Variants in HS3ST4 observed in about 807,000 individuals in gnomAD.
HS3ST4 encodes heparan sulfate-glucosamine 3-sulfotransferase 4.
Under a neutral mutation model 29.2 loss-of-function variants are expected in HS3ST4, and 17 were observed. The observed-to-expected ratio is 0.58, with a 90% CI of 0.40 to 0.87. The LOEUF (loss-of-function observed/expected upper bound fraction) is 0.87. Among genes scored for constraint, HS3ST4 ranks in the 40% least tolerant of loss-of-function variants. HS3ST4 has a pLI of 0.00. For synonymous variants in HS3ST4, 314 were observed against 285.7 expected (o/e 1.10, Z -1.00); for missense variants, 627 against 634.5 (o/e 0.99, Z 0.13).
In HS3ST4 at chr16:25,828,481, C is replaced by T. The variant is rs908948607; in HGVS notation, c.734+135330C>T. Among the ~76,000 whole-genome samples the T allele has an allele frequency of 4.0e-5, 6 of 151,762 alleles. No homozygotes were observed. In the East Asian group the frequency reaches 1.2e-3, roughly 30 times the overall value. On this transcript the variant is annotated intron_variant, in intron 1 of 1. Transcript: ENST00000331351. ...TCAGCCTGCCAAGTGGCTGGGACTA[C>T]AGGCACCCGCCACCACAGTCAGCTA... is the stretch of plus-strand genomic sequence containing the variant.
At chr16:26,080,046 A>C (rs1268884898) in intron 1 of HS3ST4, among the ~76,000 whole-genome samples, 1 of 152,154 alleles carries the variant, frequency 6.6e-6, no homozygotes, top group East Asian at 1.9e-4. Flanking sequence ...TCCTGGGGAG[A>C]AATTGGAAGA....
At chr16:26,015,767 G>T (rs1485310385) in intron 1 of HS3ST4, among the ~76,000 whole-genome samples, 2 of 152,162 alleles carry the variant, frequency 1.3e-5, no homozygotes, top group African/African-American at 4.8e-5. Context: ...CTTCCCAGGA[G>T]CCAGAAGAAA....
intron 1 of HS3ST4, among the ~76,000 whole-genome samples, chr16:25,780,083 C>T (rs1368083288): frequency 6.6e-6 from 1 of 152,288 alleles, no homozygotes; most frequent in South Asian, 2.1e-4. Flanking sequence ...GTTTATTCTC[C>T]ACTTGATTCA....
chr16:26,114,583 T>C (rs1899177190), intron 1 of HS3ST4, among the ~76,000 whole-genome samples: 1 of 152,046 alleles, frequency 6.6e-6, no homozygotes, highest in Admixed American at 6.6e-5. Flanking sequence ...GACGGGTCAA[T>C]AGTGGAAGCA....
chr16:25,729,322 A>C (rs1307036768), intron 1 of HS3ST4, among the ~76,000 whole-genome samples: 3 of 152,162 alleles, frequency 2.0e-5, no homozygotes, highest in Non-Finnish European at 4.4e-5. Context: ...TGCATTGGCC[A>C]CAAGTTCTAA....
intron 1 of HS3ST4, among the ~76,000 whole-genome samples, chr16:25,721,461 T>C (rs1275274231): frequency 2.9e-5 from 3 of 103,042 alleles, no homozygotes; most frequent in Non-Finnish European, 2.1e-5. Context: ...AATACCCTTC[T>C]TTCCCATAAA....
At chr16:26,129,596 C>T (rs749078842) in intron 1 of HS3ST4, among the ~76,000 whole-genome samples, 2 of 152,196 alleles carry the variant, frequency 1.3e-5, no homozygotes, top group African/African-American at 2.4e-5. Flanking sequence ...TCATTTCATC[C>T]TCTCAAACTC....
chr16:25,728,300 T>A (rs1277044172), intron 1 of HS3ST4, among the ~76,000 whole-genome samples: 1 of 152,148 alleles, frequency 6.6e-6, no homozygotes, highest in East Asian at 1.9e-4. Context: ...GTGCCTGGCC[T>A]GTATTTTTTC....
At chr16:26,002,557 A>G (rs570967532) in intron 1 of HS3ST4, among the ~76,000 whole-genome samples, 1 of 152,076 alleles carries the variant, frequency 6.6e-6, no homozygotes, top group Non-Finnish European at 1.5e-5. Flanking sequence ...GGATGTGTCT[A>G]TGATTGTGCC....
At chr16:26,013,538 G>A (rs956253688) in intron 1 of HS3ST4, among the ~76,000 whole-genome samples, 27 of 152,230 alleles carry the variant, frequency 1.8e-4, no homozygotes, top group African/African-American at 6.5e-4. Flanking sequence ...CCCAATAGAT[G>A]CTTAAATTTT....
At chr16:25,979,311 C>G (rs529803777) in intron 1 of HS3ST4, among the ~76,000 whole-genome samples, 1 of 152,308 alleles carries the variant, frequency 6.6e-6, no homozygotes, top group South Asian at 2.1e-4. Flanking sequence ...CAACCCAGTA[C>G]CATTCCATGG....
chr16:25,746,030 A>T (rs1207940831), intron 1 of HS3ST4, among the ~76,000 whole-genome samples: 1 of 152,158 alleles, frequency 6.6e-6, no homozygotes, highest in Non-Finnish European at 1.5e-5. Context: ...TCTATTGGAA[A>T]TCCTTCTTCA....
chr16:26,007,754 T>G (rs1969271209), intron 1 of HS3ST4, among the ~76,000 whole-genome samples: 1 of 152,222 alleles, frequency 6.6e-6, no homozygotes, highest in East Asian at 1.9e-4. Flanking sequence ...TTTCCTGAAC[T>G]ATTTTAGTAG....
intron 1 of HS3ST4, among the ~76,000 whole-genome samples, chr16:26,092,049 G>A (rs1176484249): frequency 1.3e-5 from 2 of 152,092 alleles, no homozygotes; most frequent in Non-Finnish European, 2.9e-5. Context: ...TGAGCCCATG[G>A]TGACAATTTA....
At chr16:25,873,196 A>G (rs1261430153) in intron 1 of HS3ST4, among the ~76,000 whole-genome samples, 2 of 151,238 alleles carry the variant, frequency 1.3e-5, no homozygotes, top group East Asian at 1.9e-4. Flanking sequence ...CCATCTATCC[A>G]TCCACCTACT....
chr16:26,104,438 G>A lies in HS3ST4; in HGVS notation c.735-31174G>A, dbSNP rs529989859. 7.2e-5 allele frequency among the ~76,000 whole-genome samples: 11 copies of A among 152,250 alleles called. No individual in the cohort carries two copies. In the East Asian group the frequency reaches 1.7e-3, roughly 24 times the overall value. On this transcript the variant is annotated intron_variant, in intron 1 of 1. Transcript: ENST00000331351. ...AGACCTACTCTTCTTCCTCTAGTAAGTGATCAAAAAAAGAATTATGTGCTG... is the reference window on the plus strand; with the variant it reads ...AGACCTACTCTTCTTCCTCTAGTAAATGATCAAAAAAAGAATTATGTGCTG...
chr16:25,857,768 T>G (rs1304094952), intron 1 of HS3ST4, among the ~76,000 whole-genome samples: 1 of 152,130 alleles, frequency 6.6e-6, no homozygotes, highest in Non-Finnish European at 1.5e-5. Flanking sequence ...ACGTGCATAC[T>G]CAAACATACA....
chr16:26,121,670 C>T (rs1287439967), intron 1 of HS3ST4, among the ~76,000 whole-genome samples: 2 of 152,218 alleles, frequency 1.3e-5, no homozygotes, highest in Middle Eastern at 3.4e-3. Context: ...CGCAGGCTTC[C>T]CGAGAGGAGC....
intron 1 of HS3ST4, among the ~76,000 whole-genome samples, chr16:25,768,875 C>G (rs1471455942): frequency 6.6e-6 from 1 of 152,148 alleles, no homozygotes; most frequent in African/African-American, 2.4e-5. Context: ...TTGGATCCCA[C>G]TCAGCTGCAT....
Sources: allele counts gnomAD v4.1 joint callset (sites outside exome capture counted in the v4.1 genomes callset), GRCh38; gene constraint gnomAD v4.1.1; transcripts MANE v1.5; gene names NCBI Gene and HGNC (gene_info 2026-07-23, HGNC 2026-07-21).